Variants in ZNF724 observed in about 807,000 individuals in gnomAD.
The protein encoded by ZNF724 is zinc finger protein 724 pseudogene.
Under a neutral mutation model 29.3 loss-of-function variants are expected in ZNF724, and 14 were observed. The observed-to-expected ratio is 0.48, with a 90% CI of 0.32 to 0.75. ZNF724 has a LOEUF of 0.75. Ranked by LOEUF, ZNF724 falls within the 30% of genes least tolerant of loss-of-function variation. The pLI is 0.04. For missense variants in ZNF724, 557 were observed against 571.2 expected (o/e 0.98, Z 0.25); for synonymous variants, 180 against 193.6 (o/e 0.93, Z 0.58).
intron 1 of ZNF724, chr19:23,236,678 C>T (rs1568342977): frequency 6.6e-6 from 1 of 152,064 alleles, no homozygotes; most frequent in Non-Finnish European, 1.5e-5. Flanking sequence ...CTCTAAACAC[C>T]CAAACTGCAC....
At chr19:23,226,187 G>A (rs1457530095) in intron 3 of ZNF724, among the ~76,000 whole-genome samples, 4 of 151,934 alleles carry the variant, frequency 2.6e-5, no homozygotes, top group Non-Finnish European at 4.4e-5. Flanking sequence ...AAAAAGCTGG[G>A]ACTACAGGCG....
chr19:23,222,885 C>G lies in ZNF724; in HGVS notation c.1360G>C (p.Glu454Gln), dbSNP rs1250603363. ...HTGEKPYKCKECGKAFKRSSN... is the reference protein window; with the variant it reads ...HTGEKPYKCKQCGKAFKRSSN... The stretch of plus-strand genomic sequence containing the variant: ...GACCGCTTAAAAGCTTTGCCACATT[C>G]TTTACATTTGTAGGGTTTCTCTCCA... The change falls in exon 4 of 4, where the codon GAA (glutamate) becomes CAA (glutamine). Residue 454 changes from glutamate (E) to glutamine (Q), a missense_variant. Transcript: ENST00000418100. 2 of 1,405,730 alleles carry G rather than the reference C, an allele frequency of 1.4e-6. No homozygotes were observed. Among genetic ancestry groups the G allele is most frequent in the Non-Finnish European group, 2.0e-6 (2 of 991,668 alleles). 87.1% of individuals were successfully genotyped at this position (1,405,730 alleles called of 1,614,324 possible). A position where few individuals can be genotyped will look rare whatever the true frequency, so the allele number is the denominator to read the frequency against.
intron 1 of ZNF724, among the ~76,000 whole-genome samples, chr19:23,243,339 G>A (rs1454029246): frequency 6.6e-6 from 1 of 151,280 alleles, no homozygotes; most frequent in Non-Finnish European, 1.5e-5. Flanking sequence ...CTAGCCAGGC[G>A]TGGTGGCTTG....
intron 1 of ZNF724, among the ~76,000 whole-genome samples, chr19:23,244,955 A>G (rs747704324): frequency 2.6e-5 from 4 of 152,236 alleles, no homozygotes; most frequent in African/African-American, 4.8e-5. Flanking sequence ...AAGTCAAATG[A>G]AAGAAATGTG....
chr19:23,222,201 T>G lies in ZNF724; in HGVS notation c.*184A>C. On this transcript the variant is annotated 3_prime_UTR_variant, in exon 4 of 4. Transcript: ENST00000418100. ...ATCAAGTATGACAACCATTTAAAGG[T>G]GTTTAGAAATATTGAGGTGTTGTCA... is the stretch of plus-strand genomic sequence containing the variant. The G allele has an allele frequency of 1.9e-6, 1 of 530,836 alleles. No individual in the cohort carries two copies. Among genetic ancestry groups the G allele is most frequent in the East Asian group, 3.0e-5 (1 of 33,064 alleles). 32.9% of individuals were successfully genotyped at this position (530,836 alleles called of 1,614,324 possible). A position where few individuals can be genotyped will look rare whatever the true frequency, so the allele number is the denominator to read the frequency against.
intron 3 of ZNF724, among the ~76,000 whole-genome samples, chr19:23,227,221 T>C (rs762152546): frequency 2.0e-5 from 3 of 151,992 alleles, no homozygotes; most frequent in African/African-American, 7.3e-5. Context: ...ATGTTTTAAA[T>C]GTATGTTATT....
At chr19:23,244,610 A>G (rs758395926) in intron 1 of ZNF724, among the ~76,000 whole-genome samples, 25 of 152,132 alleles carry the variant, frequency 1.6e-4, no homozygotes, top group Non-Finnish European at 3.5e-4. Context: ...TGGTATTTTT[A>G]TTCTGGCACA....
rs1971724131 is a variant in ZNF724 at position 23,222,019 on chromosome 19, T to C, written c.*366A>G. 2 of 210,276 alleles carry C rather than the reference T, an allele frequency of 9.5e-6. No homozygotes were observed. Among genetic ancestry groups the C allele is most frequent in the Non-Finnish European group, 1.9e-5 (2 of 104,992 alleles). The allele number at this position is 210,276 out of a possible 1,614,324, so 13.0% of individuals were successfully genotyped here. A position where few individuals can be genotyped will look rare whatever the true frequency, so the allele number is the denominator to read the frequency against. On this transcript the variant is annotated 3_prime_UTR_variant, in exon 4 of 4. Coordinates refer to ENST00000418100, the MANE Select transcript of ZNF724 (RefSeq NM_001355404.2). ...ATGAACTCTCTGATATTGAATAAGATGTGAACAGATATTAATGGCTTCTTC... is the reference window on the plus strand; with the variant it reads ...ATGAACTCTCTGATATTGAATAAGACGTGAACAGATATTAATGGCTTCTTC...
In ZNF724 at chr19:23,250,375, C is replaced by G. The variant is rs1972332538; in HGVS notation, c.-133G>C. ...GGGAAGACGAGACCAAGCGCTCCAG[C>G]TGCAGCGAGAGACAAAGGCCCCGCC... On this transcript the variant is annotated 5_prime_UTR_variant, in exon 1 of 4. Transcript: ENST00000418100. 10 of 468,318 alleles carry G rather than the reference C, an allele frequency of 2.1e-5. No homozygotes were observed. Among genetic ancestry groups the G allele is most frequent in the South Asian group, 9.9e-5 (6 of 60,310 alleles). The allele number at this position is 468,318 out of a possible 1,614,324, so 29.0% of individuals were successfully genotyped here.
intron 1 of ZNF724, among the ~76,000 whole-genome samples, chr19:23,238,166 C>A (rs1972054303): frequency 6.6e-6 from 1 of 152,056 alleles, no homozygotes; most frequent in Admixed American, 6.6e-5. Context: ...GAGATGGAGA[C>A]CATCCTGGCT....
intron 2 of ZNF724, among the ~76,000 whole-genome samples, chr19:23,231,679 A>G (rs984252671): frequency 6.6e-5 from 10 of 152,084 alleles, no homozygotes; most frequent in Admixed American, 1.3e-4. Flanking sequence ...TCCAGATCAC[A>G]ATGAAACATC....
At chr19:23,249,241 CTT>C (rs35301912) in intron 1 of ZNF724, among the ~76,000 whole-genome samples, 1,348 of 133,782 alleles carry the variant, frequency 0.01, 17 homozygotes, top group African/African-American at 0.035. Flanking sequence ...CAGAGACTGC[CTT>C]TTTTTTTTTT....
intron 1 of ZNF724, among the ~76,000 whole-genome samples, chr19:23,237,672 C>T (rs1972043078): frequency 6.7e-6 from 1 of 149,344 alleles, no homozygotes; most frequent in Non-Finnish European, 1.5e-5. Flanking sequence ...CAGCCGAGAT[C>T]ACGCCACTGC....
chr19:23,232,020 A>T (rs1971942420), intron 2 of ZNF724, 147 bp downstream of exon 2: 1 of 760,368 alleles, frequency 1.3e-6, no homozygotes, highest in Non-Finnish European at 2.1e-6. Context: ...TACAGGCATA[A>T]GCCACCACGC....
At chr19:23,227,060 CTG>C (rs1373375231) in intron 3 of ZNF724, among the ~76,000 whole-genome samples, 1 of 152,092 alleles carries the variant, frequency 6.6e-6, no homozygotes, top group Non-Finnish European at 1.5e-5. Context: ...TTGACTGTAA[CTG>C]TGTACTCATG....
Position 23,223,899 on chromosome 19 carries a change from C to CT in ZNF724, c.345dup (p.Gly116ArgfsTer3), listed in dbSNP as rs781412139. ...TTGTACTCATCCACACTTTTATAGC[C>CT]TTTTTTTAACTGTAAATTGTGATGT... is the stretch of plus-strand genomic sequence containing the variant. On this transcript the variant is annotated frameshift_variant, in exon 4 of 4. Coordinates refer to ENST00000418100, the MANE Select transcript of ZNF724 (RefSeq NM_001355404.2). LOFTEE classifies it low-confidence loss of function (END_TRUNC). 1.3e-6 allele frequency: 1 copy of CT among 774,062 alleles called. No individual in the cohort carries two copies. The highest frequency in any genetic ancestry group is 2.4e-6 in the Non-Finnish European group (1 of 415,956). The allele number at this position is 774,062 out of a possible 1,614,324, so 47.9% of individuals were successfully genotyped here. A position where few individuals can be genotyped will look rare whatever the true frequency, so the allele number is the denominator to read the frequency against.
chr19:23,247,688 T>C (rs1392689386), intron 1 of ZNF724, among the ~76,000 whole-genome samples: 1 of 152,238 alleles, frequency 6.6e-6, no homozygotes, highest in Non-Finnish European at 1.5e-5. Flanking sequence ...TACAATTTTT[T>C]TTCACAAATC....
chr19:23,232,287 A>G lies in ZNF724; in HGVS notation c.10T>C (p.Leu4=), dbSNP rs1971950625. 8.1e-7 allele frequency: 1 copy of G among 1,238,172 alleles called. No homozygotes were observed. The highest frequency in any genetic ancestry group is 1.2e-6 in the Non-Finnish European group (1 of 839,368). The allele number at this position is 1,238,172 out of a possible 1,614,324, so 76.7% of individuals were successfully genotyped here. The change falls in exon 2 of 4, where the codon TTG becomes CTG. Residue 4 remains leucine (L), a synonymous_variant. Coordinates refer to ENST00000418100, the MANE Select transcript of ZNF724 (RefSeq NM_001355404.2). MGP[L]TFMDVAIEFS... ...TCTATGGCCACATCCATAAATGTCAATGGTCCCTGAAAAGTACACACACAC... is the reference window on the plus strand; with the variant it reads ...TCTATGGCCACATCCATAAATGTCAGTGGTCCCTGAAAAGTACACACACAC...
chr19:23,223,949 A>G lies in ZNF724; in HGVS notation c.296T>C (p.Ile99Thr). ...QSIKASLQRI[I>T]LRKYEKCGHH... ...TCCACATTTTTCATATTTTCTCAGT[A>G]TTATTCTTTGCAAAGAAGCTTTTAT... The change falls in exon 4 of 4, where the codon ATA (isoleucine) becomes ACA (threonine). Residue 99 changes from isoleucine (I) to threonine (T), a missense_variant. Ile to Thr is a moderately conservative substitution (Grantham distance 89). Around this residue, in one of 3 missense-constraint regions of ZNF724, gnomAD observed 362 missense variants for 295.5 expected, o/e 1.22. Coordinates refer to ENST00000418100, the MANE Select transcript of ZNF724 (RefSeq NM_001355404.2). 1 of 748,764 alleles carries G rather than the reference A, an allele frequency of 1.3e-6. No individual in the cohort carries two copies. Among genetic ancestry groups the G allele is most frequent in the South Asian group, 1.4e-5 (1 of 69,818 alleles). 46.4% of individuals were successfully genotyped at this position (748,764 alleles called of 1,614,324 possible).
Sources: gnomAD v4.1 joint callset for allele counts (sites outside exome capture counted in the v4.1 genomes callset) on GRCh38, gnomAD v4.1.1 for gene constraint, gnomAD v4.1.1 regional missense constraint, MANE v1.5 for transcripts, NCBI Gene and HGNC (gene_info 2026-07-23, HGNC 2026-07-21) for gene names.